The following COG2 variants were observed in gnomAD, a reference collection of about 807,000 sequenced individuals.
COG2 encodes the protein conserved oligomeric Golgi complex subunit 2.
A neutral mutation model predicts 90.6 loss-of-function variants in COG2; 52 were observed. The observed-to-expected ratio is 0.57, with a 90% CI of 0.46 to 0.72. The LOEUF is 0.72. Among genes scored for constraint, COG2 ranks in the 30% least tolerant of loss-of-function variants. The pLI is 0.00. For synonymous variants in COG2, 337 were observed against 320.4 expected, an observed-to-expected ratio of 1.05 and a Z score of -0.55; for missense variants, 829 against 891.2, an observed-to-expected ratio of 0.93 and a Z score of 0.89.
chr1:230,669,559 C>T, intron 7 of COG2, 24 bp downstream of exon 7: 2 of 1,600,218 alleles, frequency 1.2e-6, no homozygotes, highest in Non-Finnish European at 1.7e-6. Flanking sequence ...CTTCAACAAA[C>T]ATTCATGAGC....
intron 9 of COG2, among the ~76,000 whole-genome samples, chr1:230,675,790 C>T (rs564126188): frequency 3.3e-5 from 5 of 152,098 alleles, no homozygotes; most frequent in South Asian, 2.1e-4. Context: ...GGATTTCAGG[C>T]GCACACCACC....
At chr1:230,681,690 C>T in intron 10 of COG2, 1 of 152,224 alleles carries the variant, frequency 6.6e-6, no homozygotes, top group East Asian at 1.9e-4. Context: ...TCGATGTGCA[C>T]ATGAAAACCA....
At chr1:230,673,745 C>T (rs1243570500) in intron 8 of COG2, among the ~76,000 whole-genome samples, 2 of 152,144 alleles carry the variant, frequency 1.3e-5, no homozygotes, top group African/African-American at 2.4e-5. Flanking sequence ...CTTTCCCCTT[C>T]CTGGCCCTCC....
rs913580264 is a variant in COG2, at chr1:230,642,514, A to G, written c.-93A>G. On this transcript the variant is annotated 5_prime_UTR_variant, in exon 1 of 18. Transcript: ENST00000366669. ...GGAAGCGGACCCCCCTGTGCCGTGG[A>G]AACTGGCGGTGGCCGCGGCCGCCGA... 1.5e-6 allele frequency: 2 copies of G among 1,301,798 alleles called. No individual in the cohort carries two copies. Among genetic ancestry groups the G allele is most frequent in the Non-Finnish European group, 1.1e-6 (1 of 926,214 alleles). 80.6% of individuals were successfully genotyped at this position (1,301,798 alleles called of 1,614,324 possible).
At chr1:230,683,977 A>T (rs1662823628) in intron 11 of COG2, among the ~76,000 whole-genome samples, 1 of 151,938 alleles carries the variant, frequency 6.6e-6, no homozygotes, top group Non-Finnish European at 1.5e-5. Context: ...TTTTTAGCAG[A>T]GACAGGGTTT....
intron 1 of COG2, among the ~76,000 whole-genome samples, chr1:230,644,717 G>C (rs544300851): frequency 6.6e-6 from 1 of 152,346 alleles, no homozygotes; most frequent in East Asian, 1.9e-4. Context: ...ATCACCTGCT[G>C]TGTGCAGGTT....
At chr1:230,671,437 CTTTA>C in intron 7 of COG2, 75 bp from the exon 8 acceptor site, 1 of 1,343,712 alleles carries the variant, frequency 7.4e-7, no homozygotes. Flanking sequence ...GTAAAGTTTT[CTTTA>C]TTGTTTTCTC....
chr1:230,671,561 GTCATGT>G lies in COG2; in HGVS notation c.821_826del (p.Val274_Tyr276delinsAsp). ...TGAATCTCATCCCAATGGCCTTCAG[GTCATGT>G]ATAATAAACTCCTGGAGTTTGTTCC... On this transcript the variant is annotated inframe_deletion, in exon 8 of 18. Coordinates refer to ENST00000366669, the MANE Select transcript of COG2 (RefSeq NM_007357.3). 6.2e-7 allele frequency: 1 copy of G among 1,613,570 alleles called. No homozygotes were observed. Among genetic ancestry groups the G allele is most frequent in the Non-Finnish European group, 8.5e-7 (1 of 1,179,640 alleles).
intron 5 of COG2, among the ~76,000 whole-genome samples, chr1:230,668,081 T>C (rs1571952217): frequency 6.6e-6 from 1 of 152,260 alleles, no homozygotes; most frequent in South Asian, 2.1e-4. Flanking sequence ...AATAAGATAT[T>C]TTGAGATATT....
At chr1:230,680,213 T>C (rs1662706059) in intron 10 of COG2, 2 of 152,248 alleles carry the variant, frequency 1.3e-5, no homozygotes, top group African/African-American at 2.4e-5. Context: ...TAGCAAAGCA[T>C]CATTTTATAA....
intron 1 of COG2, among the ~76,000 whole-genome samples, chr1:230,657,677 A>T (rs1662093494): frequency 6.6e-6 from 1 of 152,036 alleles, no homozygotes; most frequent in Non-Finnish European, 1.5e-5. Flanking sequence ...ACTTGGTTCC[A>T]TTTTCCCCGT....
At position 230,693,407 on chromosome 1, in the gene COG2, T is replaced by A. The variant is rs776466090; in HGVS notation, c.*14T>A. ...GAGCAGCCTTAAGCATCTTGGAAGA[T>A]CCCGAGGTTAGATTCTTAAGCAAGA... On this transcript the variant is annotated 3_prime_UTR_variant, in exon 18 of 18. Coordinates refer to ENST00000366669, the MANE Select transcript of COG2 (RefSeq NM_007357.3). 13 of 1,544,674 alleles carry A rather than the reference T, an allele frequency of 8.4e-6. No individual in the cohort carries two copies. In the South Asian group the frequency reaches 1.5e-4, roughly 18 times the overall value.
At chr1:230,683,662 A>G in intron 11 of COG2, 27 bp downstream of exon 11, 2 of 1,492,172 alleles carry the variant, frequency 1.3e-6, no homozygotes, top group Non-Finnish European at 1.9e-6. Flanking sequence ...GATAAGTGGC[A>G]TGGTATCCTA....
chr1:230,676,459 C>T (rs947792121), intron 9 of COG2, among the ~76,000 whole-genome samples: 4 of 152,110 alleles, frequency 2.6e-5, no homozygotes, highest in South Asian at 2.1e-4. Context: ...GGACAATACG[C>T]GGAACTTAGA....
At chr1:230,680,727 C>T (rs1463639417) in intron 10 of COG2, 5 of 152,152 alleles carry the variant, frequency 3.3e-5, no homozygotes, top group Non-Finnish European at 7.4e-5. Flanking sequence ...AAGTGTAGAA[C>T]TTGTCTTTAG....
In COG2 at chr1:230,663,200, A is replaced by T. The variant is rs963709161; in HGVS notation, c.360A>T (p.Gln120His). 6.2e-7 allele frequency: 1 copy of T among 1,612,100 alleles called. No homozygotes were observed. The highest frequency in any genetic ancestry group is 1.3e-5 in the African/African-American group (1 of 74,792). Residue 120 changes from glutamine (Q) to histidine (H), a missense_variant, in exon 4 of 18, where the codon CAA becomes CAT. Transcript: ENST00000366669. ...CAGTTGATGAACGAATGTCTAAACAAGAGGACATTAGGAAAAAAAAGGTAT... is the reference window on the plus strand; with the variant it reads ...CAGTTGATGAACGAATGTCTAAACATGAGGACATTAGGAAAAAAAAGGTAT... Reference protein sequence around the residue: ...IRAVDERMSKQEDIRKKKMCV... With the variant: ...IRAVDERMSKHEDIRKKKMCV...
At position 230,675,059 on chromosome 1, in the gene COG2, G is replaced by A; in HGVS notation, c.961G>A (p.Val321Ile). ...GGTGAATTCTGTTTGGCCACAAATAGTACAAGGATTAGAAGAAAAGTTACC... is the reference window on the plus strand; with the variant it reads ...GGTGAATTCTGTTTGGCCACAAATAATACAAGGATTAGAAGAAAAGTTACC... ...FLVNSVWPQIVQGLEEKLPSL... is the reference protein window; with the variant it reads ...FLVNSVWPQIIQGLEEKLPSL... Residue 321 changes from valine (V) to isoleucine (I), a missense_variant, in exon 9 of 18, where the codon GTA (valine) becomes ATA (isoleucine). By Grantham distance (29) the Val-to-Ile change is conservative (BLOSUM62 3). Transcript: ENST00000366669. 4 of 1,612,998 alleles carry A rather than the reference G, an allele frequency of 2.5e-6. No individual in the cohort carries two copies. Among genetic ancestry groups the A allele is most frequent in the Non-Finnish European group, 3.4e-6 (4 of 1,179,506 alleles).
chr1:230,670,006 G>A (rs1268735991), intron 7 of COG2: 1 of 152,992 alleles, frequency 6.5e-6, no homozygotes, highest in Non-Finnish European at 1.5e-5. Context: ...GGGAATAAAT[G>A]ACATTTGGCC....
At chr1:230,684,946 C>A in intron 11 of COG2, 139 bp from the exon 12 acceptor site, 1 of 974,550 alleles carries the variant, frequency 1.0e-6, no homozygotes, top group Non-Finnish European at 1.5e-6. Flanking sequence ...GTGCCTCCAA[C>A]AGCTTTGCTG....
Sources: allele counts gnomAD v4.1 joint callset (sites outside exome capture counted in the v4.1 genomes callset), GRCh38; gene constraint gnomAD v4.1.1; transcripts MANE v1.5; gene names NCBI Gene and HGNC (gene_info 2026-07-23, HGNC 2026-07-21).